The following STKLD1 variants were observed in gnomAD, a reference collection of about 807,000 sequenced individuals.
STKLD1 encodes serine/threonine kinase-like domain-containing protein STKLD1.
A neutral mutation model predicts 80.4 loss-of-function variants in STKLD1; 79 were observed. The ratio of observed to expected loss-of-function variants is 0.98; its 90% confidence interval spans 0.82 to 1.19. STKLD1 has a LOEUF of 1.19. Among genes scored for constraint, STKLD1 ranks in the 50% most tolerant of loss-of-function variants. STKLD1 has a pLI of 0.00. For synonymous variants in STKLD1, 393 were observed against 357.6 expected, an observed-to-expected ratio of 1.10 and a Z score of -1.12; for missense variants, 841 against 856.0, an observed-to-expected ratio of 0.98 and a Z score of 0.22.
intron 17 of STKLD1, 23 bp from the exon 18 acceptor site, chr9:133,405,228 AG>A (rs1554778483): frequency 6.3e-7 from 1 of 1,578,126 alleles, no homozygotes; most frequent in African/African-American, 1.4e-5. Flanking sequence ...CTCTGGCCTC[AG>A]GACCTTCCTG....
chr9:133,382,832 TTGATGGTGGTGATGGTGTGA>T (rs1272118609), intron 2 of STKLD1, among the ~76,000 whole-genome samples: 2 of 111,268 alleles, frequency 1.8e-5, no homozygotes, highest in Non-Finnish European at 3.8e-5. Flanking sequence ...CATTGATGGT[TTGATGGTGGTGATGGTGTGA>T]TGATGGTGGT....
rs140042918 is a variant in STKLD1, at chr9:133,381,910, G to A, written c.175-1946G>A. Among the ~76,000 whole-genome samples, 272 of 152,310 alleles carry A rather than the reference G, an allele frequency of 1.8e-3. 1 individual carries two copies. Among genetic ancestry groups the A allele is most frequent in the African/African-American group, 5.9e-3 (246 of 41,562 alleles). ...GCATCTCAGGTCTCTCCATAGATCT[G>A]GGAACAATTCACTAACTTTACATGA... On this transcript the variant is annotated intron_variant, in intron 2 of 17. Coordinates refer to ENST00000371957, the MANE Select transcript of STKLD1 (RefSeq NM_153710.5).
intron 1 of STKLD1, 51 bp downstream of exon 1, chr9:133,376,611 C>T: frequency 6.7e-7 from 1 of 1,487,506 alleles, no homozygotes; most frequent in Non-Finnish European, 9.0e-7. Flanking sequence ...GTAACGGTCG[C>T]AACCCTGGAG....
chr9:133,404,033 C>T lies in STKLD1; in HGVS notation c.1717C>T (p.Leu573=). ...CAATGCCTACCGGGGACTGGCCAGC[C>T]TGGTGAAGGTGTCAGGTGAGCCTGG... The part of the protein sequence containing the change: ...VNNAYRGLAS[L]VKVSELAAFK... The change falls in exon 16 of 18, where the codon CTG becomes TTG. Residue 573 remains leucine, a synonymous_variant. Coordinates refer to ENST00000371957, the MANE Select transcript of STKLD1 (RefSeq NM_153710.5). The T allele has an allele frequency of 1.9e-6, 3 of 1,606,436 alleles. No individual in the cohort carries two copies. Among genetic ancestry groups the T allele is most frequent in the Non-Finnish European group, 2.5e-6 (3 of 1,176,690 alleles).
intron 2 of STKLD1, among the ~76,000 whole-genome samples, chr9:133,379,533 C>G (rs926812767): frequency 6.6e-6 from 1 of 152,224 alleles, no homozygotes; most frequent in Non-Finnish European, 1.5e-5. Context: ...TGGGGGACAC[C>G]GTGCTACCCA....
intron 7 of STKLD1, among the ~76,000 whole-genome samples, chr9:133,392,566 AATGGATGGATGGATGAGTGG>A (rs1564380006): frequency 1.3e-5 from 1 of 78,750 alleles, no homozygotes; most frequent in African/African-American, 5.1e-5. Context: ...TGGATGGATG[AATGGATGGATGGATGAGTGG>A]ATGGATGGAT....
At chr9:133,395,830 C>T (rs1838545904) in intron 9 of STKLD1, 67 bp downstream of exon 9, 8 of 1,522,008 alleles carry the variant, frequency 5.3e-6, no homozygotes, top group East Asian at 4.5e-5. Flanking sequence ...CACCCTAATA[C>T]AAGCACAGCT....
intron 17 of STKLD1, 59 bp downstream of exon 17, chr9:133,404,988 C>CT: frequency 1.3e-6 from 2 of 1,579,444 alleles, no homozygotes; most frequent in Non-Finnish European, 1.7e-6. Flanking sequence ...GTGCCCCGCT[C>CT]CCCCTATAAC....
In STKLD1 at chr9:133,390,197, ACACACACAC is replaced by A. The variant is rs1838355118; in HGVS notation, c.468-483_468-475del. 5.5e-3 allele frequency among the ~76,000 whole-genome samples: 2 copies of A among 364 alleles called. No individual in the cohort carries two copies. The highest frequency in any genetic ancestry group is 0.042 in the Admixed American group (1 of 24). The allele number at this position is 364 out of a possible 152,430, so 0.2% of individuals were successfully genotyped here. On this transcript the variant is annotated intron_variant, in intron 6 of 17. Transcript: ENST00000371957. The surrounding 1 kb of genome is among the most constrained non-coding windows in gnomAD (Gnocchi z 5.1). The stretch of plus-strand genomic sequence containing the variant: ...AGCCTGGGCAACCCTGACTTAAAAC[ACACACACAC>A]ACACACACACACACACACACACACA...
intron 12 of STKLD1, among the ~76,000 whole-genome samples, chr9:133,401,143 C>CCTTTTTT (rs1390295887): frequency 1.4e-5 from 2 of 138,004 alleles, no homozygotes; most frequent in African/African-American, 5.5e-5. Flanking sequence ...TATTTAGTTA[C>CCTTTTTT]TTTTTTTTTT....
rs2130285859 is a variant in STKLD1, at chr9:133,390,194, AACACACACAC to A, written c.468-438_468-429del. Among the ~76,000 whole-genome samples, 16,246 of 123,342 alleles carry A rather than the reference AACACACACAC, an allele frequency of 0.13. 1,395 individuals are homozygous for A. Among genetic ancestry groups the A allele is most frequent in the East Asian group, 0.23 (909 of 4,004 alleles). 80.9% of individuals were successfully genotyped at this position (123,342 alleles called of 152,430 possible). A position where few individuals can be genotyped will look rare whatever the true frequency, so the allele number is the denominator to read the frequency against. ...TTCAGCCTGGGCAACCCTGACTTAA[AACACACACAC>A]ACACACACACACACACACACACACA... On this transcript the variant is annotated intron_variant, in intron 6 of 17. Transcript: ENST00000371957. The surrounding 1 kb of genome is among the most constrained non-coding windows in gnomAD (Gnocchi z 5.1).
In STKLD1 at chr9:133,389,929, C is replaced by T. The variant is rs1032639828; in HGVS notation, c.467+333C>T. Among the ~76,000 whole-genome samples, 1 of 152,188 alleles carries T rather than the reference C, an allele frequency of 6.6e-6. No individual in the cohort carries two copies. The highest frequency in any genetic ancestry group is 2.4e-5 in the African/African-American group (1 of 41,442). The stretch of plus-strand genomic sequence containing the variant: ...TGGGGCCAGTGTGGGCTGAGTGGGC[C>T]CTGCTGAGCCTTTGACCCCCAGCGG... On this transcript the variant is annotated intron_variant, in intron 6 of 17. Transcript: ENST00000371957. This position sits in a 1 kb window ranked among gnomAD's most constrained non-coding sequence, Gnocchi z 6.4.
intron 2 of STKLD1, among the ~76,000 whole-genome samples, chr9:133,383,294 G>GATGA (rs1374172249): frequency 0.051 from 47 of 930 alleles, 5 homozygotes; most frequent in Non-Finnish European, 0.064. Context: ...GTGTGATGAT[G>GATGA]TGATGGTGGT....
chr9:133,403,052 G>C, intron 14 of STKLD1, 40 bp downstream of exon 14: 2 of 1,531,464 alleles, frequency 1.3e-6, no homozygotes, highest in Non-Finnish European at 1.8e-6. Flanking sequence ...GGGGCTGGCA[G>C]CCCTCCCCCA....
In STKLD1 at chr9:133,385,694, G is replaced by A. The variant is rs2130275301; in HGVS notation, c.294+3G>A. Reference sequence around the variant, plus strand: ...TGTTCATCACGTGGAATGGGGAGGTGGGTCAGAGCTGACACCTACGGGCTC... The same window carrying A: ...TGTTCATCACGTGGAATGGGGAGGTAGGTCAGAGCTGACACCTACGGGCTC... On this transcript the variant is annotated splice_donor_region_variant and intron_variant, in intron 4 of 17. Coordinates refer to ENST00000371957, the MANE Select transcript of STKLD1 (RefSeq NM_153710.5). The surrounding 1 kb of genome is among the most constrained non-coding windows in gnomAD (Gnocchi z 4.9). 3.1e-6 allele frequency: 5 copies of A among 1,612,986 alleles called. No homozygotes were observed. The highest frequency in any genetic ancestry group is 3.4e-6 in the Non-Finnish European group (4 of 1,179,898).
rs1554776607 is a variant in STKLD1 at position 133,395,730 on chromosome 9, T to C, written c.833T>C (p.Leu278Pro). Residue 278 changes from leucine to proline, a missense_variant, in exon 9 of 18, where the codon CTC (leucine) becomes CCC (proline). Physicochemically the swap from Leu to Pro is moderately conservative, Grantham distance 98. Coordinates refer to ENST00000371957, the MANE Select transcript of STKLD1 (RefSeq NM_153710.5). ...TTCAGGAATCTTCTGCCCTTGATGC[T>C]CCAGATCGACCCCTCGGATCGAATA... ...ETFRNLLPLM[L>P]QIDPSDRITI... The C allele has an allele frequency of 6.2e-7, 1 of 1,613,554 alleles. No individual in the cohort carries two copies. Among genetic ancestry groups the C allele is most frequent in the South Asian group, 1.1e-5 (1 of 91,084 alleles).
intron 11 of STKLD1, among the ~76,000 whole-genome samples, chr9:133,398,839 TTTTG>T (rs1171023138): frequency 1.3e-5 from 2 of 151,618 alleles, no homozygotes; most frequent in East Asian, 1.9e-4. Flanking sequence ...AGCAGTTTTT[TTTTG>T]TTTTTGTTTG....
intron 12 of STKLD1, 103 bp downstream of exon 12, chr9:133,400,632 G>T: frequency 2.2e-6 from 2 of 925,852 alleles, no homozygotes; most frequent in Non-Finnish European, 3.5e-6. Flanking sequence ...TGGGTTAGGG[G>T]AAGCCATGCC....
rs2130261565 is a variant in STKLD1, at chr9:133,379,698, C to T, written c.174+576C>T. On this transcript the variant is annotated intron_variant, in intron 2 of 17. Coordinates refer to ENST00000371957, the MANE Select transcript of STKLD1 (RefSeq NM_153710.5). ...CAGGGCATGGGGAGGTGTAGGCCTGCAGGAAGACAGCCCTTTGTGTGTCCG... is the reference window on the plus strand; with the variant it reads ...CAGGGCATGGGGAGGTGTAGGCCTGTAGGAAGACAGCCCTTTGTGTGTCCG... 1.1e-4 allele frequency among the ~76,000 whole-genome samples: 16 copies of T among 152,200 alleles called. No individual in the cohort carries two copies. In the South Asian group the frequency reaches 2.3e-3, roughly 22 times the overall value.
Sources: allele counts gnomAD v4.1 joint callset (sites outside exome capture counted in the v4.1 genomes callset), GRCh38; gene constraint gnomAD v4.1.1; non-coding constraint Gnocchi (gnomAD v3.1); transcripts MANE v1.5; gene names NCBI Gene and HGNC (gene_info 2026-07-23, HGNC 2026-07-21).